ZUP1: variants seen among roughly 807,000 people sequenced by gnomAD.
The protein encoded by ZUP1 is zinc finger containing ubiquitin peptidase 1.
A neutral mutation model predicts 68.1 loss-of-function variants in ZUP1; 55 were observed. The ratio of observed to expected loss-of-function variants is 0.81; its 90% CI spans 0.65 to 1.01. The LOEUF is 1.01. Among genes scored for constraint, ZUP1 ranks in the 50% least tolerant of loss-of-function variants. ZUP1 has a pLI of 0.00. For synonymous variants in ZUP1, 223 were observed against 221.5 expected, an observed-to-expected ratio of 1.01 and a Z score of -0.06; for missense variants, 684 against 674.9, an observed-to-expected ratio of 1.01 and a Z score of -0.15.
At position 116,645,780 on chromosome 6, in the gene ZUP1, T is replaced by G. The variant is rs1776280551; in HGVS notation, c.1623A>C (p.Gly541=). Residue 541 remains glycine (G), a synonymous_variant, in exon 9 of 10, where the codon GGA becomes GGC. Coordinates refer to ENST00000368576, the MANE Select transcript of ZUP1 (RefSeq NM_145062.3). The part of the protein sequence containing the change: ...SSLKQLRKSM[G]NLKHKQYQIL... ...TCTGGTATTGCTTATGTTTTAAATT[T>G]CCCATAGATTTCCGAAGTTGCTTGA... The G allele has an allele frequency of 6.2e-7, 1 of 1,613,930 alleles. No homozygotes were observed. Among genetic ancestry groups the G allele is most frequent in the Non-Finnish European group, 8.5e-7 (1 of 1,179,922 alleles).
chr6:116,666,957 T>A lies in ZUP1; in HGVS notation c.236A>T (p.Asn79Ile). 1 of 1,613,546 alleles carries A rather than the reference T, an allele frequency of 6.2e-7. No homozygotes were observed. The highest frequency in any genetic ancestry group is 8.5e-7 in the Non-Finnish European group (1 of 1,179,854). ...QYGTSDNKKD[N>I]TLQCGMEVNS... is the part of the protein sequence containing the mutation. ...AACTTCCATTCCACACTGTAGGGTG[T>A]TGTCTTTCTTGTTATCTGAAGTTCC... The change falls in exon 2 of 10, where the codon AAC becomes ATC. Residue 79 changes from asparagine (N) to isoleucine (I), a missense_variant. Transcript: ENST00000368576.
intron 1 of ZUP1, among the ~76,000 whole-genome samples, chr6:116,668,313 G>T (rs989366266): frequency 1.3e-5 from 2 of 152,188 alleles, no homozygotes; most frequent in Non-Finnish European, 2.9e-5. Flanking sequence ...ACAGAATGAT[G>T]AACTTGGACA....
chr6:116,656,017 A>C (rs1776651218), intron 5 of ZUP1, among the ~76,000 whole-genome samples: 1 of 152,150 alleles, frequency 6.6e-6, no homozygotes, highest in Admixed American at 6.6e-5. Flanking sequence ...TAATAATATC[A>C]TGGATACACT....
At position 116,652,058 on chromosome 6, in the gene ZUP1, G is replaced by C. The variant is rs1776518198; in HGVS notation, c.1096C>G (p.Gln366Glu). 2 of 1,613,902 alleles carry C rather than the reference G, an allele frequency of 1.2e-6. No homozygotes were observed. Among genetic ancestry groups the C allele is most frequent in the African/African-American group, 2.7e-5 (2 of 75,002 alleles). ...KGWGCGYRNF[Q>E]MLLSSLLQND... Reference sequence around the variant, plus strand: ...TGTAATAATGATGAAAGTAGCATTTGGAAATTTCTGTAACCACAACCCCAA... The same window carrying C: ...TGTAATAATGATGAAAGTAGCATTTCGAAATTTCTGTAACCACAACCCCAA... Residue 366 changes from glutamine (Q) to glutamate (E), a missense_variant, in exon 6 of 10, where the codon CAA (glutamine) becomes GAA (glutamate). Physicochemically the swap from Gln to Glu is conservative, Grantham distance 29 (BLOSUM62 2). Coordinates refer to ENST00000368576, the MANE Select transcript of ZUP1 (RefSeq NM_145062.3).
intron 5 of ZUP1, among the ~76,000 whole-genome samples, chr6:116,653,532 C>A: frequency 6.6e-6 from 1 of 151,974 alleles, no homozygotes; most frequent in East Asian, 1.9e-4. Flanking sequence ...CTGTGCCTTG[C>A]ACCATGAAAA....
intron 2 of ZUP1, among the ~76,000 whole-genome samples, chr6:116,662,877 C>A (rs1776887044): frequency 6.6e-6 from 1 of 152,140 alleles, no homozygotes; most frequent in African/African-American, 2.4e-5. Flanking sequence ...CATCATCTAC[C>A]TTTCTTAGTG....
At chr6:116,660,943 A>G in intron 2 of ZUP1, 97 bp from the exon 3 acceptor site, 2 of 672,622 alleles carry the variant, frequency 3.0e-6, no homozygotes, top group Non-Finnish European at 2.4e-6. Context: ...TCTGTTGCCC[A>G]GGCTGGCGTG....
At chr6:116,650,425 A>AAAT (rs1308589087) in intron 7 of ZUP1, among the ~76,000 whole-genome samples, 2 of 150,250 alleles carry the variant, frequency 1.3e-5, no homozygotes, top group African/African-American at 4.9e-5. Flanking sequence ...TCCGTCTCAA[A>AAAT]AAAAAAAAAA....
intron 7 of ZUP1, among the ~76,000 whole-genome samples, chr6:116,648,094 G>A (rs991965653): frequency 2.6e-5 from 4 of 151,914 alleles, no homozygotes; most frequent in Non-Finnish European, 4.4e-5. Flanking sequence ...TTTTCCTGTC[G>A]GTCTCTCAAA....
At position 116,666,742 on chromosome 6, in the gene ZUP1, ATG is replaced by A. The variant is rs1562414152; in HGVS notation, c.449_450del (p.Thr150IlefsTer5). 1 of 1,613,908 alleles carries A rather than the reference ATG, an allele frequency of 6.2e-7. No individual in the cohort carries two copies. The highest frequency in any genetic ancestry group is 1.7e-5 in the Admixed American group (1 of 60,026). On this transcript the variant is annotated frameshift_variant, in exon 2 of 10. Coordinates refer to ENST00000368576, the MANE Select transcript of ZUP1 (RefSeq NM_145062.3). LOFTEE classifies it high-confidence loss of function. ...TEIKGSVYETTYSPPECPFCG... is the reference protein window; with the variant it reads ...TEIKGSVYETXYSPPECPFCG... ...CAGAATGGACATTCAGGAGGACTGT[ATG>A]TTGTTTCATAAACAGATCCTTTTAT...
rs903379492 is a variant in ZUP1, at chr6:116,640,387, C to A, written c.1690-4508G>T. On this transcript the variant is annotated intron_variant, in intron 9 of 9. Transcript: ENST00000368576. ...GAGCAACTCCAAGACACATAATTGT[C>A]AGATTTACCAAAGCTGAAATGAAGG... Among the ~76,000 whole-genome samples the A allele has an allele frequency of 9.2e-5, 14 of 152,222 alleles. 1 individual carries two copies. The highest frequency in any genetic ancestry group is 5.9e-4 in the Admixed American group (9 of 15,288).
intron 9 of ZUP1, among the ~76,000 whole-genome samples, chr6:116,643,400 A>C: frequency 6.6e-6 from 1 of 152,180 alleles, no homozygotes; most frequent in Non-Finnish European, 1.5e-5. Flanking sequence ...AGCCAAAAGA[A>C]CAAATCTGGA....
intron 2 of ZUP1, among the ~76,000 whole-genome samples, chr6:116,662,353 A>G (rs1776868248): frequency 6.6e-6 from 1 of 152,108 alleles, no homozygotes; most frequent in African/African-American, 2.4e-5. Flanking sequence ...CTTCCTCAAC[A>G]TTAGACCACA....
intron 9 of ZUP1, among the ~76,000 whole-genome samples, chr6:116,637,429 T>C (rs1374143709): frequency 6.6e-6 from 1 of 152,152 alleles, no homozygotes; most frequent in Non-Finnish European, 1.5e-5. Flanking sequence ...TAAATCTTAT[T>C]ATATTTATTA....
Position 116,659,061 on chromosome 6 carries a change from T to C in ZUP1, c.671-137A>G, listed in dbSNP as rs1776755288. ...ATGACTGTGATGATATGGAACTGAG[T>C]ACAAATTTAGCAAAACTTAGAACTG... On this transcript the variant is annotated intron_variant, in intron 3 of 9. Coordinates refer to ENST00000368576, the MANE Select transcript of ZUP1 (RefSeq NM_145062.3). 4 of 758,136 alleles carry C rather than the reference T, an allele frequency of 5.3e-6. No individual in the cohort carries two copies. In the South Asian group the frequency reaches 6.4e-5, roughly 12 times the overall value. 47.0% of individuals were successfully genotyped at this position (758,136 alleles called of 1,614,324 possible). A position where few individuals can be genotyped will look rare whatever the true frequency, so the allele number is the denominator to read the frequency against.
chr6:116,642,481 A>G (rs1583361607), intron 9 of ZUP1, among the ~76,000 whole-genome samples: 2 of 152,202 alleles, frequency 1.3e-5, no homozygotes, highest in South Asian at 4.1e-4. Context: ...CAAAAACCTT[A>G]TCCACCATGA....
intron 8 of ZUP1, among the ~76,000 whole-genome samples, chr6:116,646,531 A>T (rs1776315218): frequency 6.6e-6 from 1 of 152,184 alleles, no homozygotes; most frequent in Non-Finnish European, 1.5e-5. Context: ...ATACTCTATA[A>T]ATGAGGTAAA....
At chr6:116,642,978 C>A (rs1412597902) in intron 9 of ZUP1, among the ~76,000 whole-genome samples, 6 of 152,198 alleles carry the variant, frequency 3.9e-5, no homozygotes, top group African/African-American at 1.4e-4. Context: ...TGATAAGCAA[C>A]TTCAGCAAAG....
chr6:116,660,485 T>C (rs950942120), intron 3 of ZUP1: 13 of 354,906 alleles, frequency 3.7e-5, no homozygotes, highest in East Asian at 5.4e-5. Context: ...TTTGGTTATA[T>C]AGTTCACATT....
Sources: gnomAD v4.1 joint callset for allele counts (sites outside exome capture counted in the v4.1 genomes callset) on GRCh38, gnomAD v4.1.1 for gene constraint, MANE v1.5 for transcripts, NCBI Gene and HGNC (gene_info 2026-07-23, HGNC 2026-07-21) for gene names.